PRKCE: variants seen among roughly 807,000 people sequenced by gnomAD.
PRKCE encodes the protein protein kinase C epsilon.
PRKCE carries 16 observed loss-of-function variants against 85.4 expected under a neutral mutation model. The ratio of observed to expected loss-of-function variants is 0.19; its 90% CI spans 0.13 to 0.28. The LOEUF (loss-of-function observed/expected upper bound fraction) is 0.28, where lower values mean the gene tolerates loss of function less well. PRKCE is among the 10% of genes least tolerant of loss of function. The pLI is 1.00. For synonymous variants in PRKCE, 388 were observed against 371.5 expected (o/e 1.04, Z -0.51); for missense variants, 573 against 975.2 (o/e 0.59, Z 5.49).
chr2:45,657,523 A>T (rs559787507), intron 1 of PRKCE, among the ~76,000 whole-genome samples: 1 of 152,176 alleles, frequency 6.6e-6, no homozygotes, highest in Non-Finnish European at 1.5e-5. Flanking sequence ...AATTATTATT[A>T]TTATAGCCCC....
intron 2 of PRKCE, among the ~76,000 whole-genome samples, chr2:45,968,921 C>T (rs1168989278): frequency 5.3e-5 from 8 of 151,782 alleles, no homozygotes; most frequent in Admixed American, 5.2e-4. Flanking sequence ...AGTCTCACCC[C>T]CAAAGAAAAC....
chr2:46,171,026 C>T (rs1678840096), intron 14 of PRKCE, among the ~76,000 whole-genome samples: 1 of 152,152 alleles, frequency 6.6e-6, no homozygotes, highest in South Asian at 2.1e-4. Flanking sequence ...TGAAAAAGGT[C>T]CCCCAGTTAG....
intron 10 of PRKCE, among the ~76,000 whole-genome samples, chr2:46,065,834 T>TA (rs113818671): frequency 0.14 from 20,846 of 152,190 alleles, 1,627 homozygotes; most frequent in African/African-American, 0.2. Flanking sequence ...TGCAAACGTT[T>TA]AAAAAATAGA....
chr2:46,028,710 T>C, intron 10 of PRKCE, among the ~76,000 whole-genome samples: 1 of 152,254 alleles, frequency 6.6e-6, no homozygotes, highest in East Asian at 1.9e-4. Context: ...TGCAGGTTTG[T>C]TACATAGGTA....
chr2:45,753,392 A>C (rs1683744026), intron 1 of PRKCE, among the ~76,000 whole-genome samples: 1 of 152,192 alleles, frequency 6.6e-6, no homozygotes, highest in Non-Finnish European at 1.5e-5. Flanking sequence ...ACATCTTTTT[A>C]AGTACTAGAC....
chr2:46,186,495 A>G lies in PRKCE; in HGVS notation c.*1614A>G, dbSNP rs896562873. On this transcript the variant is annotated 3_prime_UTR_variant, in exon 15 of 15. Coordinates refer to ENST00000306156, the MANE Select transcript of PRKCE (RefSeq NM_005400.3). ...AACTTTAGTCTATGAAAGAATAATTATAATAATGTCCAGGTGCAATACTCT... is the reference window on the plus strand; with the variant it reads ...AACTTTAGTCTATGAAAGAATAATTGTAATAATGTCCAGGTGCAATACTCT... 5 of 152,628 alleles carry G rather than the reference A, an allele frequency of 3.3e-5. No individual in the cohort carries two copies. The highest frequency in any genetic ancestry group is 7.3e-5 in the Non-Finnish European group (5 of 68,046). The allele number at this position is 152,628 out of a possible 1,614,324, so 9.5% of individuals were successfully genotyped here.
chr2:46,078,901 G>A (rs113797384), intron 10 of PRKCE: 15,026 of 152,220 alleles, frequency 0.099, 872 homozygotes, highest in African/African-American at 0.14. Flanking sequence ...GTTTCTGGCC[G>A]GGCACGGTCG....
intron 3 of PRKCE, among the ~76,000 whole-genome samples, chr2:45,977,526 A>C (rs551101434): frequency 2.0e-5 from 3 of 151,988 alleles, no homozygotes. Context: ...AATCCCAGCT[A>C]CTTGGGAGGC....
intron 1 of PRKCE, among the ~76,000 whole-genome samples, chr2:45,681,288 CAAAAAAAAAAAAAAA>C (rs10532828): frequency 4.9e-4 from 30 of 61,778 alleles, no homozygotes; most frequent in African/African-American, 2.1e-3. Flanking sequence ...GACTCTGTCT[CAAAAAAAAAAAAAAA>C]AAAAAAAAAA....
At chr2:45,694,941 C>T (rs1044226461) in intron 1 of PRKCE, among the ~76,000 whole-genome samples, 11 of 152,048 alleles carry the variant, frequency 7.2e-5, no homozygotes, top group African/African-American at 2.2e-4. Flanking sequence ...ATGAGGAGAT[C>T]GGTGTTTTGG....
intron 1 of PRKCE, among the ~76,000 whole-genome samples, chr2:45,679,566 G>A (rs193258198): frequency 2.0e-5 from 3 of 152,216 alleles, no homozygotes; most frequent in Non-Finnish European, 1.5e-5. Flanking sequence ...AGGAGGTCAA[G>A]CTCATGGGTG....
intron 10 of PRKCE, among the ~76,000 whole-genome samples, chr2:46,020,070 G>A (rs1342601607): frequency 1.3e-5 from 2 of 151,892 alleles, no homozygotes; most frequent in Non-Finnish European, 2.9e-5. Flanking sequence ...GGCTGGTCTC[G>A]AACTCCTGAC....
chr2:45,844,006 T>C (rs554662038), intron 2 of PRKCE, among the ~76,000 whole-genome samples: 1 of 152,302 alleles, frequency 6.6e-6, no homozygotes, highest in African/African-American at 2.4e-5. Flanking sequence ...CACTTGGGCC[T>C]TTCACAACAT....
At chr2:45,885,249 C>T (rs1350566398) in intron 2 of PRKCE, among the ~76,000 whole-genome samples, 1 of 151,976 alleles carries the variant, frequency 6.6e-6, no homozygotes, top group African/African-American at 2.4e-5. Flanking sequence ...TTTTCCACTG[C>T]TCCACCCAGT....
intron 1 of PRKCE, among the ~76,000 whole-genome samples, chr2:45,683,030 A>G (rs1275912005): frequency 6.6e-6 from 1 of 152,176 alleles, no homozygotes; most frequent in Non-Finnish European, 1.5e-5. Context: ...TTTATTTTTA[A>G]TGGGGGAATA....
chr2:45,843,477 A>T (rs1277321291), intron 2 of PRKCE, among the ~76,000 whole-genome samples: 1 of 152,260 alleles, frequency 6.6e-6, no homozygotes, highest in Non-Finnish European at 1.5e-5. Context: ...TAGAGCTTTG[A>T]TAGAAGTGGG....
chr2:46,037,722 C>G (rs1323134778), intron 10 of PRKCE, among the ~76,000 whole-genome samples: 4 of 152,184 alleles, frequency 2.6e-5, no homozygotes, highest in Non-Finnish European at 5.9e-5. Flanking sequence ...ACTCTTCAAC[C>G]TACAGAAACT....
chr2:45,862,198 A>ACG (rs1197931254), intron 2 of PRKCE, among the ~76,000 whole-genome samples: 1 of 138,770 alleles, frequency 7.2e-6, no homozygotes, highest in African/African-American at 2.8e-5. Context: ...ACACACACAC[A>ACG]CACACACACA....
chr2:45,705,767 C>G, intron 1 of PRKCE, among the ~76,000 whole-genome samples: 1 of 152,174 alleles, frequency 6.6e-6, no homozygotes, highest in South Asian at 2.1e-4. Flanking sequence ...TTTCTATAAT[C>G]CATAGAGTGT....
Sources: allele counts gnomAD v4.1 joint callset (sites outside exome capture counted in the v4.1 genomes callset), GRCh38; gene constraint gnomAD v4.1.1; transcripts MANE v1.5; gene names NCBI Gene and HGNC (gene_info 2026-07-23, HGNC 2026-07-21).